Variants in PDE10A observed in about 807,000 individuals in gnomAD.
PDE10A encodes phosphodiesterase 10A.
PDE10A carries 39 observed loss-of-function variants against 97.7 expected under a neutral mutation model. The observed-to-expected ratio is 0.40, with a 90% CI of 0.31 to 0.52. PDE10A has a LOEUF of 0.52. Among genes scored for constraint, PDE10A ranks in the 20% least tolerant of loss-of-function variants. PDE10A has a pLI of 0.56. For missense variants in PDE10A, 731 were observed against 1,047.8 expected (o/e 0.70, Z 4.17); for synonymous variants, 371 against 376.8 (o/e 0.98, Z 0.18).
At chr6:165,827,885 T>TATA (rs1298676870) in intron 1 of PDE10A, among the ~76,000 whole-genome samples, 1 of 152,186 alleles carries the variant, frequency 6.6e-6, no homozygotes, top group Non-Finnish European at 1.5e-5. Context: ...AGCTCCCACA[T>TATA]ATAAGTAAGA....
At chr6:165,899,016 C>A (rs1407678893) in intron 1 of PDE10A, among the ~76,000 whole-genome samples, 4 of 152,310 alleles carry the variant, frequency 2.6e-5, no homozygotes, top group African/African-American at 9.6e-5. Context: ...TGCCTTCACT[C>A]GATGGTTTTG....
At chr6:165,867,975 A>G (rs1781104952) in intron 1 of PDE10A, among the ~76,000 whole-genome samples, 1 of 152,098 alleles carries the variant, frequency 6.6e-6, no homozygotes, top group Admixed American at 6.5e-5. Flanking sequence ...GTCCTGAAAC[A>G]AATGAAAATG....
chr6:165,918,081 A>G (rs992581297), intron 1 of PDE10A, among the ~76,000 whole-genome samples: 3 of 152,266 alleles, frequency 2.0e-5, no homozygotes, highest in African/African-American at 7.2e-5. Context: ...TATAGAGAGT[A>G]AATTTGATAT....
intron 1 of PDE10A, among the ~76,000 whole-genome samples, chr6:165,872,911 G>A (rs1006791611): frequency 6.6e-6 from 1 of 152,192 alleles, no homozygotes; most frequent in Non-Finnish European, 1.5e-5. Flanking sequence ...CTGTGGCATT[G>A]AATCCAGGTG....
At chr6:165,484,615 TGACA>T (rs1347290028) in intron 2 of PDE10A, among the ~76,000 whole-genome samples, 2 of 152,168 alleles carry the variant, frequency 1.3e-5, no homozygotes, top group African/African-American at 2.4e-5. Flanking sequence ...CAGAGAGGTT[TGACA>T]GCACAGAGAC....
rs34532096 is a variant in PDE10A, at chr6:165,671,137, ATT to A, written c.-614-127571_-614-127570del. On this transcript the variant is annotated intron_variant, in intron 1 of 19. Coordinates refer to the PDE10A transcript ENST00000366882. This position sits in a 1 kb window ranked among gnomAD's most constrained non-coding sequence, Gnocchi z 4.6. ...CCCTTTTTGGGTAAAACGTTCACTAATTTTTTTTTTTTTAAGAATCAACAACA... is the reference window on the plus strand; with the variant it reads ...CCCTTTTTGGGTAAAACGTTCACTAATTTTTTTTTTTAAGAATCAACAACA... Among the ~76,000 whole-genome samples, 36 of 149,396 alleles carry A rather than the reference ATT, an allele frequency of 2.4e-4. 1 individual carries two copies. Among genetic ancestry groups the A allele is most frequent in the East Asian group, 2.2e-3 (11 of 5,104 alleles).
chr6:165,710,607 G>A (rs1490854432), intron 1 of PDE10A, among the ~76,000 whole-genome samples: 1 of 152,094 alleles, frequency 6.6e-6, no homozygotes, highest in East Asian at 1.9e-4. Flanking sequence ...ATTTCATAAC[G>A]TTTTTGAATA....
intron 1 of PDE10A, among the ~76,000 whole-genome samples, chr6:165,816,291 C>T (rs1037864555): frequency 3.9e-5 from 6 of 152,198 alleles, no homozygotes; most frequent in Admixed American, 1.3e-4. Flanking sequence ...AGATAATAAC[C>T]AACTCCTGAT....
At chr6:165,591,640 C>T (rs560961010) in intron 1 of PDE10A, among the ~76,000 whole-genome samples, 2 of 152,284 alleles carry the variant, frequency 1.3e-5, no homozygotes, top group East Asian at 1.9e-4. Flanking sequence ...TTGGGACACC[C>T]AAAATGAAGA....
At chr6:165,617,129 G>A (rs1244703442) in intron 1 of PDE10A, among the ~76,000 whole-genome samples, 3 of 152,142 alleles carry the variant, frequency 2.0e-5, no homozygotes, top group Non-Finnish European at 4.4e-5. Flanking sequence ...AAATGGAAAT[G>A]CCAGGAGAAG....
chr6:165,659,378 T>C (rs1790121800), intron 1 of PDE10A, among the ~76,000 whole-genome samples: 1 of 152,218 alleles, frequency 6.6e-6, no homozygotes, highest in Admixed American at 6.5e-5. Context: ...TTCAAAAGAC[T>C]GATTTTTTAA....
chr6:165,653,132 T>C (rs1789765036), intron 1 of PDE10A, among the ~76,000 whole-genome samples: 1 of 152,246 alleles, frequency 6.6e-6, no homozygotes, highest in Non-Finnish European at 1.5e-5. Flanking sequence ...TGTATTTCAT[T>C]ATTTCTTTCC....
intron 18 of PDE10A, among the ~76,000 whole-genome samples, chr6:165,347,672 C>T (rs1583082114): frequency 6.6e-6 from 1 of 152,246 alleles, no homozygotes; most frequent in African/African-American, 2.4e-5. Context: ...CAAATGGGAA[C>T]ATTAGTGATC....
chr6:165,442,891 C>A (rs1324344669), intron 5 of PDE10A, among the ~76,000 whole-genome samples: 2 of 151,992 alleles, frequency 1.3e-5, no homozygotes, highest in Non-Finnish European at 2.9e-5. Context: ...GGTGGATCGA[C>A]TGAGGTCAGG....
chr6:165,766,954 T>C (rs1284964950), intron 1 of PDE10A, among the ~76,000 whole-genome samples: 1 of 152,354 alleles, frequency 6.6e-6, no homozygotes, highest in South Asian at 2.1e-4. Flanking sequence ...GCTAACTACT[T>C]GAGTCTTTCA....
chr6:165,902,694 G>C lies in PDE10A; in HGVS notation c.-615+84835C>G, dbSNP rs116352170. 3.7e-3 allele frequency among the ~76,000 whole-genome samples: 564 copies of C among 152,270 alleles called. 3 individuals carry two copies. The highest frequency in any genetic ancestry group is 0.013 in the African/African-American group (549 of 41,542). ...TTCCTCGCCATCCTTCCCATTCCAG[G>C]TGTGGCGCACGGGCTGTTCTTGCCA... is the stretch of plus-strand genomic sequence containing the variant. On this transcript the variant is annotated intron_variant, in intron 1 of 19. Coordinates refer to the PDE10A transcript ENST00000366882.
At chr6:165,618,897 G>A (rs542669829) in intron 1 of PDE10A, among the ~76,000 whole-genome samples, 3 of 152,304 alleles carry the variant, frequency 2.0e-5, no homozygotes, top group Non-Finnish European at 4.4e-5. Flanking sequence ...GGCTGGCTGC[G>A]GGCTAGTCTC....
intron 1 of PDE10A, among the ~76,000 whole-genome samples, chr6:165,934,267 T>G (rs1158630771): frequency 1.3e-5 from 2 of 151,392 alleles, no homozygotes; most frequent in Non-Finnish European, 2.9e-5. Flanking sequence ...CCCAAAGTGC[T>G]GAGATTACAG....
intron 1 of PDE10A, among the ~76,000 whole-genome samples, chr6:165,918,790 T>C (rs1230752721): frequency 6.6e-6 from 1 of 151,904 alleles, no homozygotes; most frequent in African/African-American, 2.4e-5. Flanking sequence ...GAAGCCCTCT[T>C]CCTCTCGGGG....
Sources: gnomAD v4.1 joint callset for allele counts (sites outside exome capture counted in the v4.1 genomes callset) on GRCh38, gnomAD v4.1.1 for gene constraint, Gnocchi (gnomAD v3.1) non-coding constraint, MANE v1.5 for transcripts, NCBI Gene and HGNC (gene_info 2026-07-23, HGNC 2026-07-21) for gene names.